Variants in TCF7L2 observed in about 807,000 individuals in gnomAD.
TCF7L2 encodes the protein transcription factor 7-like 2.
Under a neutral mutation model 77.9 loss-of-function variants are expected in TCF7L2, and 23 were observed. That is an observed-to-expected ratio of 0.30 (90% CI 0.21 to 0.42). The LOEUF is 0.42. Among genes scored for constraint, TCF7L2 ranks in the 10% least tolerant of loss-of-function variants. The pLI, the probability that TCF7L2 is intolerant of heterozygous loss-of-function variation, is 1.00. For missense variants in TCF7L2, 654 were observed against 793.1 expected (o/e 0.82, Z 2.11); for synonymous variants, 413 against 340.2 (o/e 1.21, Z -2.36).
intron 8 of TCF7L2, among the ~76,000 whole-genome samples, chr10:113,149,977 A>T (rs1308486952): frequency 1.3e-5 from 2 of 152,196 alleles, no homozygotes; most frequent in East Asian, 3.9e-4. Context: ...CACCACGCAA[A>T]ATTGAAAATG....
At chr10:113,043,025 A>G (rs1287085949) in intron 5 of TCF7L2, among the ~76,000 whole-genome samples, 1 of 152,232 alleles carries the variant, frequency 6.6e-6, no homozygotes, top group East Asian at 1.9e-4. Flanking sequence ...ACAGTGTTTC[A>G]TCAGACATGT....
In TCF7L2 at chr10:113,040,241, C is replaced by T. The variant is rs571076238; in HGVS notation, c.552+115C>T. On this transcript the variant is annotated intron_variant, in intron 5 of 13. Transcript: ENST00000627217. ...TTTTTTCTTTCTTTAAACACATTTTCTTTGGAAATATTGTTGGGTATAGTT... is the reference window on the plus strand; with the variant it reads ...TTTTTTCTTTCTTTAAACACATTTTTTTTGGAAATATTGTTGGGTATAGTT... 1.0e-5 allele frequency: 9 copies of T among 872,000 alleles called. No homozygotes were observed. In the East Asian group the frequency reaches 1.9e-4, roughly 18 times the overall value. The allele number at this position is 872,000 out of a possible 1,614,324, so 54.0% of individuals were successfully genotyped here.
chr10:113,081,047 T>G (rs2135450841), intron 5 of TCF7L2, among the ~76,000 whole-genome samples: 1 of 152,356 alleles, frequency 6.6e-6, no homozygotes, highest in East Asian at 1.9e-4. Context: ...AGGAGGGCGC[T>G]GTTTACCAAC....
chr10:113,151,717 A>G lies in TCF7L2; in HGVS notation c.1002-8A>G, dbSNP rs759862823. 6.3e-7 allele frequency: 1 copy of G among 1,579,782 alleles called. No individual in the cohort carries two copies. The highest frequency in any genetic ancestry group is 8.5e-7 in the Non-Finnish European group (1 of 1,169,776). The stretch of plus-strand genomic sequence containing the variant: ...TTATTGGGTTGCGTCTGTTTTGTCT[A>G]TCTCCAGAAAGCATCAGGACTCCAA... On this transcript the variant is annotated splice_region_variant and splice_polypyrimidine_tract_variant and intron_variant, in intron 9 of 13. Coordinates refer to ENST00000627217, the MANE Select transcript of TCF7L2 (RefSeq NM_001146274.2). The surrounding 1 kb of genome is among the most constrained non-coding windows in gnomAD (Gnocchi z 5.2).
intron 13 of TCF7L2, chr10:113,160,806 G>A (rs2073044376): frequency 4.2e-6 from 4 of 947,900 alleles, no homozygotes; most frequent in Non-Finnish European, 6.2e-6. Flanking sequence ...TGGCATCAAT[G>A]ACTAATGATC....
intron 4 of TCF7L2, among the ~76,000 whole-genome samples, chr10:112,993,257 T>C (rs935182850): frequency 3.9e-5 from 6 of 152,016 alleles, no homozygotes; most frequent in African/African-American, 7.3e-5. Flanking sequence ...CGGTGGCTCA[T>C]GCATGTAATC....
intron 4 of TCF7L2, among the ~76,000 whole-genome samples, chr10:112,999,136 C>G (rs371105139): frequency 4.6e-5 from 7 of 152,366 alleles, no homozygotes; most frequent in African/African-American, 1.7e-4. Context: ...CCTGCCTCAG[C>G]CTCTCTTAAG....
chr10:113,048,335 G>A (rs1171459904), intron 5 of TCF7L2, among the ~76,000 whole-genome samples: 1 of 152,096 alleles, frequency 6.6e-6, no homozygotes, highest in African/African-American at 2.4e-5. Flanking sequence ...CTATGGATGG[G>A]GCATGTTTCT....
intron 4 of TCF7L2, among the ~76,000 whole-genome samples, chr10:112,966,190 A>ATATT (rs1239097788): frequency 7.8e-6 from 1 of 128,522 alleles, no homozygotes. Flanking sequence ...ATATTTATAT[A>ATATT]TATATATATA....
intron 5 of TCF7L2, among the ~76,000 whole-genome samples, chr10:113,110,858 A>G (rs2063035405): frequency 6.6e-6 from 1 of 152,218 alleles, no homozygotes; most frequent in Non-Finnish European, 1.5e-5. Flanking sequence ...TCATAGACTA[A>G]TCTGGCCAAT....
Position 112,951,468 on chromosome 10 carries a change from G to A in TCF7L2, c.257-15G>A, listed in dbSNP as rs2134203788. ...GCGCGGCCGCCGCTGTCCCCTCGCC[G>A]CCCCGCCATGTTAGCGGCCAAGAGG... On this transcript the variant is annotated splice_polypyrimidine_tract_variant and intron_variant, in intron 2 of 13. Transcript: ENST00000627217. The A allele has an allele frequency of 2.8e-6, 4 of 1,411,658 alleles. No homozygotes were observed. The highest frequency in any genetic ancestry group is 2.1e-5 in the Admixed American group (1 of 47,672). The allele number at this position is 1,411,658 out of a possible 1,614,324, so 87.4% of individuals were successfully genotyped here. A position where few individuals can be genotyped will look rare whatever the true frequency, so the allele number is the denominator to read the frequency against.
intron 11 of TCF7L2, among the ~76,000 whole-genome samples, chr10:113,155,087 T>C (rs1159727416): frequency 3.3e-5 from 5 of 152,066 alleles, no homozygotes; most frequent in African/African-American, 1.2e-4. Context: ...CCTGAGATCT[T>C]CTCATGGCTC....
chr10:112,952,362 G>A (rs1274832507), intron 3 of TCF7L2, among the ~76,000 whole-genome samples: 1 of 152,090 alleles, frequency 6.6e-6, no homozygotes, highest in Non-Finnish European at 1.5e-5. Flanking sequence ...CAACCCGCAG[G>A]GCCGCGAGCG....
At chr10:113,002,746 C>G (rs1290994582) in intron 4 of TCF7L2, among the ~76,000 whole-genome samples, 1 of 152,030 alleles carries the variant, frequency 6.6e-6, no homozygotes, top group African/African-American at 2.4e-5. Flanking sequence ...GTTAAAGTGC[C>G]TTTGCTTCTA....
chr10:112,983,382 A>G (rs2040862615), intron 4 of TCF7L2, among the ~76,000 whole-genome samples: 2 of 151,952 alleles, frequency 1.3e-5, no homozygotes, highest in South Asian at 4.2e-4. Flanking sequence ...GAGGCAGGGG[A>G]ATGGTGTAAG....
At chr10:113,071,722 C>T (rs750751465) in intron 5 of TCF7L2, among the ~76,000 whole-genome samples, 6 of 152,132 alleles carry the variant, frequency 3.9e-5, no homozygotes, top group Non-Finnish European at 5.9e-5. Context: ...AGTTGGCTGC[C>T]CCTAGGCTCA....
At chr10:113,069,892 G>A (rs143216639) in intron 5 of TCF7L2, among the ~76,000 whole-genome samples, 25 of 152,180 alleles carry the variant, frequency 1.6e-4, no homozygotes, top group Admixed American at 1.3e-3. Context: ...GTAAGATAGC[G>A]GCTCCCACTG....
chr10:113,155,327 C>T (rs192648632), intron 11 of TCF7L2, among the ~76,000 whole-genome samples: 130 of 152,234 alleles, frequency 8.5e-4, no homozygotes, highest in Non-Finnish European at 1.1e-3. Context: ...AGGTCCCATG[C>T]CATTTGCTCA....
chr10:113,117,771 G>A (rs2064061798), intron 5 of TCF7L2, among the ~76,000 whole-genome samples: 1 of 152,118 alleles, frequency 6.6e-6, no homozygotes, highest in African/African-American at 2.4e-5. Flanking sequence ...GGGAATGGAA[G>A]CAACTAAAAA....
Sources: allele counts gnomAD v4.1 joint callset (sites outside exome capture counted in the v4.1 genomes callset), GRCh38; gene constraint gnomAD v4.1.1; non-coding constraint Gnocchi (gnomAD v3.1); transcripts MANE v1.5; gene names NCBI Gene and HGNC (gene_info 2026-07-23, HGNC 2026-07-21).